The following FGD6 variants were observed in gnomAD, a reference collection of about 807,000 sequenced individuals.
The protein encoded by FGD6 is FYVE, RhoGEF and PH domain containing 6, also known as FYVE, RhoGEF and PH domain-containing protein 6.
A neutral mutation model predicts 149.4 loss-of-function variants in FGD6; 90 were observed. That is an observed-to-expected ratio of 0.60 (90% CI 0.51 to 0.72). The LOEUF (loss-of-function observed/expected upper bound fraction) is 0.72. FGD6 is among the 30% of genes least tolerant of loss of function. The pLI, the probability that FGD6 is intolerant of heterozygous loss-of-function variation, is 0.00. For synonymous variants in FGD6, 527 were observed against 584.0 expected, an observed-to-expected ratio of 0.90 and a Z score of 1.41; for missense variants, 1,437 against 1,684.8, an observed-to-expected ratio of 0.85 and a Z score of 2.57.
intron 18 of FGD6, among the ~76,000 whole-genome samples, chr12:95,087,927 GA>G (rs948367135): frequency 2.0e-5 from 3 of 151,194 alleles, no homozygotes; most frequent in African/African-American, 7.3e-5. Flanking sequence ...CTATCTCAGT[GA>G]AAAAAAAGAG....
chr12:95,146,594 C>G (rs1880021712), intron 5 of FGD6, among the ~76,000 whole-genome samples: 1 of 152,074 alleles, frequency 6.6e-6, no homozygotes, highest in Admixed American at 6.6e-5. Flanking sequence ...CATCAAGTAC[C>G]TCGACTTCAT....
intron 8 of FGD6, among the ~76,000 whole-genome samples, chr12:95,127,760 G>T (rs1289499159): frequency 6.6e-6 from 1 of 152,112 alleles, no homozygotes; most frequent in East Asian, 1.9e-4. Flanking sequence ...ATAATATGTT[G>T]TTAAAGTAGC....
At chr12:95,115,400 C>CTTTTTT (rs59390285) in intron 8 of FGD6, among the ~76,000 whole-genome samples, 8 of 129,210 alleles carry the variant, frequency 6.2e-5, no homozygotes, top group Admixed American at 1.6e-4. Flanking sequence ...TCCATGTCTG[C>CTTTTTT]TTTTTTTTTT....
chr12:95,161,479 G>T (rs966343887), intron 3 of FGD6, among the ~76,000 whole-genome samples: 1 of 152,158 alleles, frequency 6.6e-6, no homozygotes, highest in African/African-American at 2.4e-5. Flanking sequence ...CTGGGCAAAA[G>T]AGCAAGACTC....
At chr12:95,095,907 A>T (rs1326303428) in intron 14 of FGD6, among the ~76,000 whole-genome samples, 1 of 151,698 alleles carries the variant, frequency 6.6e-6, no homozygotes, top group Non-Finnish European at 1.5e-5. Context: ...CCAGCTACTC[A>T]GGGGGCTGAG....
At chr12:95,110,122 A>G (rs1592835800) in intron 9 of FGD6, among the ~76,000 whole-genome samples, 2 of 151,478 alleles carry the variant, frequency 1.3e-5, no homozygotes, top group East Asian at 4.0e-4. Flanking sequence ...GACTACAGGC[A>G]CCTGCCACCA....
At chr12:95,081,591 C>T in intron 20 of FGD6, 35 bp from the exon 21 acceptor site, 1 of 1,530,726 alleles carries the variant, frequency 6.5e-7, no homozygotes, top group South Asian at 1.2e-5. Flanking sequence ...ATTTGTAAAA[C>T]CTAATCATCT....
chr12:95,154,182 G>A lies in FGD6; in HGVS notation c.2587-1189C>T, dbSNP rs548242702. On this transcript the variant is annotated intron_variant, in intron 3 of 20. Transcript: ENST00000343958. ...TCACCATGTTAGCCAGGATGGTCTC[G>A]ATCTCCTGACCTTGTGATCTGTCCA... 2.6e-5 allele frequency among the ~76,000 whole-genome samples: 4 copies of A among 152,124 alleles called. No homozygotes were observed. In the East Asian group the frequency reaches 7.7e-4, roughly 29 times the overall value.
intron 1 of FGD6, among the ~76,000 whole-genome samples, chr12:95,216,815 T>G (rs992687132): frequency 6.6e-6 from 1 of 152,108 alleles, no homozygotes; most frequent in Non-Finnish European, 1.5e-5. Flanking sequence ...TGAAAGCGAC[T>G]CACTTAGTGG....
intron 18 of FGD6, among the ~76,000 whole-genome samples, chr12:95,089,195 A>G (rs1048152278): frequency 6.6e-6 from 1 of 152,240 alleles, no homozygotes; most frequent in Non-Finnish European, 1.5e-5. Flanking sequence ...TAACCAACCA[A>G]TGCCTACAAA....
In FGD6 at chr12:95,149,250, CATATATATTATATATTATATTACAT is replaced by C; in HGVS notation, c.2685+3536_2685+3560del. 4.3e-4 allele frequency among the ~76,000 whole-genome samples: 5 copies of C among 11,520 alleles called. 2 individuals are homozygous for C. Among genetic ancestry groups the C allele is most frequent in the South Asian group, 0.01 (2 of 196 alleles). 7.6% of individuals were successfully genotyped at this position (11,520 alleles called of 152,430 possible). On this transcript the variant is annotated intron_variant, in intron 5 of 20. Coordinates refer to ENST00000343958, the MANE Select transcript of FGD6 (RefSeq NM_018351.4). ...AGCATATATATTATATAATATATAG[CATATATATTATATATTATATTACAT>C]ATAGCATATATAATATTATATATAA...
intron 8 of FGD6, among the ~76,000 whole-genome samples, chr12:95,120,717 A>C (rs1408879491): frequency 4.6e-5 from 7 of 152,156 alleles, no homozygotes. Flanking sequence ...TAAAATATTA[A>C]ATTATTTTTG....
chr12:95,189,806 G>A (rs1307058432), intron 2 of FGD6, among the ~76,000 whole-genome samples: 2 of 152,092 alleles, frequency 1.3e-5, no homozygotes, highest in Non-Finnish European at 2.9e-5. Flanking sequence ...TAATATATTT[G>A]CTTATTTTCA....
At chr12:95,153,335 C>A (rs1426068571) in intron 3 of FGD6, among the ~76,000 whole-genome samples, 1 of 152,146 alleles carries the variant, frequency 6.6e-6, no homozygotes. Context: ...CAGATAGATA[C>A]CAGAAGAAGA....
rs1877654845 is a variant in FGD6, at chr12:95,080,991, G to A, written c.*529C>T. On this transcript the variant is annotated 3_prime_UTR_variant, in exon 21 of 21. Transcript: ENST00000343958. Reference sequence around the variant, plus strand: ...TCAGTTCACAGTTACTGAGGTAGAAGCTGGCCATGTTTTTCCACTAAAAGA... The same window carrying A: ...TCAGTTCACAGTTACTGAGGTAGAAACTGGCCATGTTTTTCCACTAAAAGA... 1 of 152,184 alleles carries A rather than the reference G, an allele frequency of 6.6e-6. No individual in the cohort carries two copies. The highest frequency in any genetic ancestry group is 1.5e-5 in the Non-Finnish European group (1 of 68,026). The allele number at this position is 152,184 out of a possible 1,614,324, so 9.4% of individuals were successfully genotyped here.
intron 8 of FGD6, among the ~76,000 whole-genome samples, chr12:95,121,405 A>G (rs10735329): frequency 0.88 from 127,408 of 145,224 alleles, 56,239 homozygotes; most frequent in African/African-American, 0.97. Flanking sequence ...AGCTGAGTTC[A>G]CATCATTGCA....
At position 95,149,963 on chromosome 12, in the gene FGD6, A is replaced by ATTATATAG. The variant is rs1041617506; in HGVS notation, c.2685+2840_2685+2847dup. 2.3e-4 allele frequency among the ~76,000 whole-genome samples: 33 copies of ATTATATAG among 146,260 alleles called. No individual in the cohort carries two copies. The South Asian group carries it at 6.6e-3, about 29-fold the overall frequency. On this transcript the variant is annotated intron_variant, in intron 5 of 20. Transcript: ENST00000343958. ...ATATATACTACATATCATACTATAT[A>ATTATATAG]TTATATAGTATACTATATATGCTAT...
Position 95,080,735 on chromosome 12 carries a change from A to G in FGD6, c.*785T>C, listed in dbSNP as rs2136228331. 1 of 152,242 alleles carries G rather than the reference A, an allele frequency of 6.6e-6. No individual in the cohort carries two copies. Among genetic ancestry groups the G allele is most frequent in the East Asian group, 1.9e-4 (1 of 5,206 alleles). The allele number at this position is 152,242 out of a possible 1,614,324, so 9.4% of individuals were successfully genotyped here. On this transcript the variant is annotated 3_prime_UTR_variant, in exon 21 of 21. Coordinates refer to ENST00000343958, the MANE Select transcript of FGD6 (RefSeq NM_018351.4). ...TTGCTATATTTTGCTATTTTAAAAA[A>G]TGATACATTTATGTTTGTTTCGAAG...
intron 2 of FGD6, among the ~76,000 whole-genome samples, chr12:95,200,950 C>G (rs1337918648): frequency 6.6e-6 from 1 of 151,794 alleles, no homozygotes; most frequent in Non-Finnish European, 1.5e-5. Flanking sequence ...ATAACACGAA[C>G]TGTTCTTTGT....
Sources: allele counts gnomAD v4.1 joint callset (sites outside exome capture counted in the v4.1 genomes callset), GRCh38; gene constraint gnomAD v4.1.1; transcripts MANE v1.5; gene names NCBI Gene and HGNC (gene_info 2026-07-23, HGNC 2026-07-21).